The following GALNT13 variants were observed in gnomAD, a reference collection of about 807,000 sequenced individuals.
The protein encoded by GALNT13 is UDP-GalNAc:polypeptide N-acetylgalactosaminyltransferase 13.
GALNT13 carries 28 observed loss-of-function variants against 64.2 expected under a neutral mutation model. The ratio of observed to expected loss-of-function variants is 0.44; its 90% CI spans 0.32 to 0.60. The LOEUF (loss-of-function observed/expected upper bound fraction) is 0.60. Among genes scored for constraint, GALNT13 ranks in the 20% least tolerant of loss-of-function variants. The pLI, the probability that GALNT13 is intolerant of heterozygous loss-of-function variation, is 0.05. For missense variants in GALNT13, 577 were observed against 669.8 expected, an observed-to-expected ratio of 0.86 and a Z score of 1.53; for synonymous variants, 214 against 224.6, an observed-to-expected ratio of 0.95 and a Z score of 0.42.
At chr2:153,415,589 A>G in the GALNT13 span, among the ~76,000 whole-genome samples, 7 of 152,196 alleles carry the variant, frequency 4.6e-5, no homozygotes, top group African/African-American at 1.2e-4. Flanking sequence ...ATAAAATTAA[A>G]ACTGAATTTG....
At chr2:153,210,588 T>C in the GALNT13 span, among the ~76,000 whole-genome samples, 1 of 152,182 alleles carries the variant, frequency 6.6e-6, no homozygotes, top group Non-Finnish European at 1.5e-5. Flanking sequence ...CCTACATTCG[T>C]CACACATAAA....
At chr2:153,219,777 A>G in the GALNT13 span, among the ~76,000 whole-genome samples, 1 of 152,230 alleles carries the variant, frequency 6.6e-6, no homozygotes, top group South Asian at 2.1e-4. Flanking sequence ...ATTGGTTTTA[A>G]GACATATCAG....
chr2:154,318,989 T>C (rs1291152393), intron 9 of GALNT13, among the ~76,000 whole-genome samples: 1 of 152,170 alleles, frequency 6.6e-6, no homozygotes, highest in Non-Finnish European at 1.5e-5. Flanking sequence ...AATTGAATAT[T>C]CATTGTACTG....
At chr2:153,131,922 C>T in the GALNT13 span, among the ~76,000 whole-genome samples, 2 of 152,018 alleles carry the variant, frequency 1.3e-5, no homozygotes, top group Non-Finnish European at 2.9e-5. Flanking sequence ...AAGTTATATT[C>T]AAGAAGACAT....
intron 9 of GALNT13, among the ~76,000 whole-genome samples, chr2:154,355,452 G>C (rs1303915773): frequency 2.6e-5 from 4 of 152,028 alleles, no homozygotes; most frequent in Non-Finnish European, 5.9e-5. Flanking sequence ...ATCAGCACAG[G>C]TACATATAAA....
the GALNT13 span, among the ~76,000 whole-genome samples, chr2:153,484,560 G>A: frequency 2.0e-5 from 3 of 152,158 alleles, no homozygotes; most frequent in South Asian, 2.1e-4. Flanking sequence ...AGGTGTACCC[G>A]ATTTTTACTC....
intron 3 of GALNT13, among the ~76,000 whole-genome samples, chr2:154,093,543 C>G (rs1321536132): frequency 6.6e-6 from 1 of 151,770 alleles, no homozygotes; most frequent in Non-Finnish European, 1.5e-5. Context: ...TTCAAACTGA[C>G]AGTTTAGAGG....
the GALNT13 span, among the ~76,000 whole-genome samples, chr2:153,767,518 A>G: frequency 1.3e-5 from 2 of 152,154 alleles, no homozygotes; most frequent in Non-Finnish European, 2.9e-5. Context: ...TCTACAAAAA[A>G]TCCCTGTACT....
the GALNT13 span, among the ~76,000 whole-genome samples, chr2:153,784,372 G>T: frequency 3.3e-5 from 5 of 152,186 alleles, no homozygotes; most frequent in African/African-American, 9.7e-5. Flanking sequence ...ACTTGAAAGA[G>T]ATGATTTATG....
chr2:153,662,615 G>A, the GALNT13 span, among the ~76,000 whole-genome samples: 2 of 152,138 alleles, frequency 1.3e-5, no homozygotes, highest in Non-Finnish European at 2.9e-5. Context: ...ATTGAAATGA[G>A]TCTTCTATAA....
At chr2:153,919,168 A>G (rs1355936683) in intron 2 of GALNT13, among the ~76,000 whole-genome samples, 1 of 152,064 alleles carries the variant, frequency 6.6e-6, no homozygotes, top group Admixed American at 6.6e-5. Flanking sequence ...TTCTTAAAAT[A>G]CATATTCTAC....
chr2:153,634,935 C>T, the GALNT13 span, among the ~76,000 whole-genome samples: 29 of 152,006 alleles, frequency 1.9e-4, no homozygotes, highest in African/African-American at 6.5e-4. Context: ...GTGGTTCTCT[C>T]TTACCTCTGG....
At chr2:154,182,178 A>G (rs1192754161) in intron 4 of GALNT13, among the ~76,000 whole-genome samples, 1 of 152,190 alleles carries the variant, frequency 6.6e-6, no homozygotes, top group Non-Finnish European at 1.5e-5. Flanking sequence ...GGCCCAACCC[A>G]GCAGTGCTAG....
chr2:154,236,010 G>A, intron 4 of GALNT13: 2 of 1,171,030 alleles, frequency 1.7e-6, no homozygotes, highest in South Asian at 1.4e-5. Context: ...AAGTAGATCA[G>A]CTGGATTTAT....
chr2:153,392,933 A>G, the GALNT13 span, among the ~76,000 whole-genome samples: 1 of 152,054 alleles, frequency 6.6e-6, no homozygotes, highest in Admixed American at 6.6e-5. Flanking sequence ...AGCCATTTCC[A>G]CCATATTTGC....
chr2:153,557,746 C>T, the GALNT13 span, among the ~76,000 whole-genome samples: 6 of 152,192 alleles, frequency 3.9e-5, no homozygotes, highest in South Asian at 2.1e-4. Flanking sequence ...AACACCTTAA[C>T]GTGGCTACAG....
At chr2:154,446,874 T>C (rs1701607809) in intron 12 of GALNT13, 5 of 1,113,030 alleles carry the variant, frequency 4.5e-6, no homozygotes, top group Admixed American at 3.0e-5. Flanking sequence ...GTATGACCTT[T>C]TCTCCATGGA....
the GALNT13 span, among the ~76,000 whole-genome samples, chr2:153,392,539 T>C: frequency 6.6e-6 from 1 of 152,076 alleles, no homozygotes; most frequent in Admixed American, 6.6e-5. Flanking sequence ...TTAGGATAGA[T>C]CTACGAAGGT....
chr2:154,133,534 T>TTATATATATATA (rs201083794), intron 3 of GALNT13, among the ~76,000 whole-genome samples: 20 of 77,278 alleles, frequency 2.6e-4, no homozygotes, highest in East Asian at 5.2e-4. Context: ...ACAGACCATT[T>TTATATATATATA]TATATATATA....
Sources: allele counts gnomAD v4.1 joint callset (sites outside exome capture counted in the v4.1 genomes callset), GRCh38; gene constraint gnomAD v4.1.1; transcripts MANE v1.5; gene names NCBI Gene and HGNC (gene_info 2026-07-23, HGNC 2026-07-21).